The following PLPPR1 variants were observed in gnomAD, a reference collection of about 807,000 sequenced individuals.
PLPPR1 encodes phospholipid phosphatase related 1.
PLPPR1 carries 10 observed loss-of-function variants against 33.1 expected under a neutral mutation model. That is an observed-to-expected ratio of 0.30 (90% confidence interval 0.19 to 0.51). The LOEUF is 0.51. Ranked by LOEUF, PLPPR1 falls within the 20% of genes least tolerant of loss-of-function variation. The pLI is 0.97. For missense variants in PLPPR1, 304 were observed against 408.1 expected (o/e 0.74, Z 2.20); for synonymous variants, 151 against 151.0 (o/e 1.00, Z 0.00).
chr9:101,266,201 T>G (rs1387499889), intron 2 of PLPPR1, among the ~76,000 whole-genome samples: 2 of 151,726 alleles, frequency 1.3e-5, no homozygotes, highest in African/African-American at 4.8e-5. Context: ...CTGAGATGGA[T>G]GGATCACTCG....
At chr9:101,058,858 G>A (rs1830309500) in intron 1 of PLPPR1, among the ~76,000 whole-genome samples, 2 of 152,136 alleles carry the variant, frequency 1.3e-5, no homozygotes, top group South Asian at 2.1e-4. Context: ...TGTAAAATGA[G>A]TATTGGTGTT....
At chr9:101,244,828 A>G (rs1000362032) in intron 2 of PLPPR1, among the ~76,000 whole-genome samples, 1 of 151,998 alleles carries the variant, frequency 6.6e-6, no homozygotes, top group African/African-American at 2.4e-5. Context: ...TGTATCTGAT[A>G]GAAGATTAGT....
chr9:101,166,335 C>A (rs1174609291), intron 1 of PLPPR1, among the ~76,000 whole-genome samples: 3 of 152,154 alleles, frequency 2.0e-5, no homozygotes, highest in African/African-American at 7.2e-5. Context: ...TGTTAAATAC[C>A]GCATTATAGG....
At chr9:101,193,713 C>T (rs2118732823) in intron 2 of PLPPR1, among the ~76,000 whole-genome samples, 1 of 152,196 alleles carries the variant, frequency 6.6e-6, no homozygotes, top group Admixed American at 6.5e-5. Flanking sequence ...TGACCCTATG[C>T]AATAGAAATT....
intron 1 of PLPPR1, among the ~76,000 whole-genome samples, chr9:101,070,160 A>G (rs569843623): frequency 6.6e-6 from 1 of 152,232 alleles, no homozygotes; most frequent in East Asian, 1.9e-4. Flanking sequence ...AGGAATGGGG[A>G]GACATGCTCC....
chr9:101,252,427 G>C (rs1349993395), intron 2 of PLPPR1, among the ~76,000 whole-genome samples: 1 of 152,110 alleles, frequency 6.6e-6, no homozygotes. Context: ...CAGCCACAAG[G>C]AGTTTGACCG....
intron 1 of PLPPR1, among the ~76,000 whole-genome samples, chr9:101,108,334 C>CA (rs199777469): frequency 0.018 from 2,694 of 152,136 alleles, 49 homozygotes; most frequent in African/African-American, 0.045. Context: ...AAGCATCTTG[C>CA]AAGGCTTATT....
In PLPPR1 at chr9:101,242,803, C is replaced by A. The variant is rs533470565; in HGVS notation, c.64-27077C>A. 2.0e-5 allele frequency among the ~76,000 whole-genome samples: 3 copies of A among 152,118 alleles called. No individual in the cohort carries two copies. The South Asian group carries it at 6.2e-4, about 32-fold the overall frequency. On this transcript the variant is annotated intron_variant, in intron 2 of 7. Transcript: ENST00000374874. ...CACTGTGTACTGGTAACTATAAGTACTGAGGCTACAATGATAACTAGAACT... is the reference window on the plus strand; with the variant it reads ...CACTGTGTACTGGTAACTATAAGTAATGAGGCTACAATGATAACTAGAACT...
At chr9:101,158,912 G>A (rs2987746) in intron 1 of PLPPR1, among the ~76,000 whole-genome samples, 79,067 of 152,086 alleles carry the variant, frequency 0.52, 20,999 homozygotes, top group African/African-American at 0.61. Flanking sequence ...TGGAGGACTG[G>A]CTTCAGCTGA....
chr9:101,186,811 C>T (rs1171199635), intron 2 of PLPPR1, among the ~76,000 whole-genome samples: 2 of 151,806 alleles, frequency 1.3e-5, no homozygotes, highest in Non-Finnish European at 2.9e-5. Flanking sequence ...ATAATCTGTT[C>T]ATATTGCAGA....
chr9:101,214,285 A>G (rs142943261), intron 2 of PLPPR1, among the ~76,000 whole-genome samples: 1 of 152,358 alleles, frequency 6.6e-6, no homozygotes, highest in African/African-American at 2.4e-5. Flanking sequence ...ATAGCTCCTT[A>G]TACTTCAATA....
intron 1 of PLPPR1, among the ~76,000 whole-genome samples, chr9:101,032,109 T>G (rs538314012): frequency 5.1e-4 from 78 of 152,296 alleles, no homozygotes; most frequent in African/African-American, 1.9e-3. Flanking sequence ...TCTGTGTGGC[T>G]GTAGCGACAG....
At chr9:101,271,683 AGGCTGTG>A (rs1168520900) in intron 3 of PLPPR1, among the ~76,000 whole-genome samples, 1 of 152,152 alleles carries the variant, frequency 6.6e-6, no homozygotes, top group African/African-American at 2.4e-5. Flanking sequence ...CTCTACCTGG[AGGCTGTG>A]GGCTCAGTCT....
intron 1 of PLPPR1, among the ~76,000 whole-genome samples, chr9:101,087,701 A>C (rs1365150224): frequency 6.6e-6 from 1 of 152,224 alleles, no homozygotes; most frequent in African/African-American, 2.4e-5. Context: ...CATTTTATGT[A>C]AATAAGTCTC....
intron 2 of PLPPR1, among the ~76,000 whole-genome samples, chr9:101,201,732 T>C (rs1336246482): frequency 6.6e-6 from 1 of 152,106 alleles, no homozygotes; most frequent in African/African-American, 2.4e-5. Flanking sequence ...AGTTCACGGG[T>C]ATTCTTCAGG....
intron 1 of PLPPR1, among the ~76,000 whole-genome samples, chr9:101,098,637 A>G (rs2118548023): frequency 6.6e-6 from 1 of 152,274 alleles, no homozygotes; most frequent in African/African-American, 2.4e-5. Context: ...CCATCAGGGA[A>G]GCAGGCAAGA....
At chr9:101,126,768 C>T (rs1012361772) in intron 1 of PLPPR1, among the ~76,000 whole-genome samples, 3 of 152,128 alleles carry the variant, frequency 2.0e-5, no homozygotes, top group Admixed American at 6.5e-5. Flanking sequence ...TTAATTTCCT[C>T]CAGTTTCTGT....
chr9:101,311,149 T>C (rs1268232890), intron 5 of PLPPR1, among the ~76,000 whole-genome samples: 1 of 150,946 alleles, frequency 6.6e-6, no homozygotes, highest in Non-Finnish European at 1.5e-5. Flanking sequence ...ATAGTACCAT[T>C]ATAAAAATTA....
At chr9:101,058,311 C>G (rs1220593952) in intron 1 of PLPPR1, among the ~76,000 whole-genome samples, 1 of 149,940 alleles carries the variant, frequency 6.7e-6, no homozygotes, top group Non-Finnish European at 1.5e-5. Context: ...CGTTTGTGAG[C>G]TCACATAAGA....
Sources: allele counts gnomAD v4.1 joint callset (sites outside exome capture counted in the v4.1 genomes callset), GRCh38; gene constraint gnomAD v4.1.1; transcripts MANE v1.5; gene names NCBI Gene and HGNC (gene_info 2026-07-23, HGNC 2026-07-21).